The following PCDH15 variants were observed in gnomAD, a reference collection of about 807,000 sequenced individuals.
PCDH15 encodes protocadherin-15.
A neutral mutation model predicts 178.5 loss-of-function variants in PCDH15; 129 were observed. That is an observed-to-expected ratio of 0.72 (90% CI 0.63 to 0.84). The LOEUF is 0.84. Ranked by LOEUF, PCDH15 falls within the 40% of genes least tolerant of loss-of-function variation. The probability of loss-of-function intolerance (pLI) is 0.00; values close to 1 mark genes in which losing one functional copy is unlikely to be tolerated. For missense variants in PCDH15, 2,230 were observed against 2,099.9 expected (o/e 1.06, Z -1.21); for synonymous variants, 800 against 732.0 (o/e 1.09, Z -1.50).
chr10:55,338,637 G>A (rs73253871), intron 2 of PCDH15, among the ~76,000 whole-genome samples: 9,426 of 152,014 alleles, frequency 0.062, 683 homozygotes, highest in African/African-American at 0.18. Context: ...GAGTGGTGGG[G>A]TGCACTTGTA....
chr10:54,291,000 T>G (rs2059370809), intron 8 of PCDH15, among the ~76,000 whole-genome samples: 3 of 152,040 alleles, frequency 2.0e-5, no homozygotes, highest in African/African-American at 7.2e-5. Context: ...AGACAGAAGG[T>G]TAACAAGGAT....
At chr10:53,860,886 A>C (rs2079063565) in intron 27 of PCDH15, among the ~76,000 whole-genome samples, 1 of 152,054 alleles carries the variant, frequency 6.6e-6, no homozygotes, top group Non-Finnish European at 1.5e-5. Context: ...TTTATATTTT[A>C]TTTTAAGGAT....
intron 13 of PCDH15, among the ~76,000 whole-genome samples, chr10:54,173,562 TAA>T (rs1032666055): frequency 4.9e-5 from 4 of 81,780 alleles, no homozygotes; most frequent in Non-Finnish European, 1.5e-4. Context: ...ACCTGAAATA[TAA>T]GTTATTTCCC....
chr10:54,547,152 T>C (rs1317816400), intron 2 of PCDH15, among the ~76,000 whole-genome samples: 1 of 152,188 alleles, frequency 6.6e-6, no homozygotes, highest in Non-Finnish European at 1.5e-5. Context: ...CGGTGAGATA[T>C]GTTCCACCAT....
intron 21 of PCDH15, among the ~76,000 whole-genome samples, chr10:53,965,291 C>T (rs1487806219): frequency 6.6e-6 from 1 of 152,086 alleles, no homozygotes; most frequent in Non-Finnish European, 1.5e-5. Context: ...AACTCCTGAC[C>T]TCATGATCCG....
intron 13 of PCDH15, among the ~76,000 whole-genome samples, chr10:54,169,752 C>A (rs1590929468): frequency 1.3e-5 from 2 of 152,116 alleles, no homozygotes; most frequent in African/African-American, 4.8e-5. Context: ...ACATCCCATC[C>A]CGCAGCACGC....
At chr10:55,173,439 G>C (rs1839395860) in intron 1 of PCDH15, among the ~76,000 whole-genome samples, 1 of 151,010 alleles carries the variant, frequency 6.6e-6, no homozygotes, top group Admixed American at 6.6e-5. Flanking sequence ...TCATTGTTTT[G>C]CAACCTTCCC....
At chr10:55,015,643 T>A (rs778692681) in intron 2 of PCDH15, among the ~76,000 whole-genome samples, 3 of 152,058 alleles carry the variant, frequency 2.0e-5, no homozygotes, top group Non-Finnish European at 2.9e-5. Flanking sequence ...ACTGGGTAAT[T>A]TATGAAGAGT....
chr10:54,521,324 A>C (rs2082839178), intron 3 of PCDH15, among the ~76,000 whole-genome samples: 1 of 152,168 alleles, frequency 6.6e-6, no homozygotes. Context: ...ACCCTTTTAA[A>C]GATACTGAAT....
chr10:54,727,258 A>C (rs1942693337), intron 1 of PCDH15, among the ~76,000 whole-genome samples: 1 of 151,600 alleles, frequency 6.6e-6, no homozygotes, highest in Admixed American at 6.6e-5. Context: ...CCACATTGAG[A>C]CCACAGCACA....
chr10:55,564,461 C>G (rs986599235), intron 2 of PCDH15, among the ~76,000 whole-genome samples: 1 of 151,572 alleles, frequency 6.6e-6, no homozygotes, highest in African/African-American at 2.4e-5. Context: ...AAAAAAGCTA[C>G]AAGGCATCTA....
At chr10:55,233,889 C>T (rs539232228) in intron 1 of PCDH15, among the ~76,000 whole-genome samples, 7 of 152,126 alleles carry the variant, frequency 4.6e-5, no homozygotes, top group South Asian at 4.1e-4. Flanking sequence ...AATGAGACCA[C>T]CCCCAAAAAT....
intron 23 of PCDH15, among the ~76,000 whole-genome samples, chr10:53,953,593 A>G (rs920219163): frequency 3.3e-5 from 5 of 152,210 alleles, no homozygotes; most frequent in South Asian, 2.1e-4. Context: ...TTCCCAATAC[A>G]TATAAAATAT....
intron 2 of PCDH15, among the ~76,000 whole-genome samples, chr10:55,550,454 C>T (rs976921623): frequency 6.6e-6 from 1 of 152,074 alleles, no homozygotes; most frequent in Non-Finnish European, 1.5e-5. Context: ...GTATGGACTC[C>T]GTGTTCTTAT....
chr10:54,339,576 G>A (rs1050827727), intron 6 of PCDH15, among the ~76,000 whole-genome samples: 6 of 152,140 alleles, frequency 3.9e-5, no homozygotes, highest in Non-Finnish European at 7.4e-5. Flanking sequence ...ACAAAAGAAA[G>A]AAGAATGCTT....
intron 3 of PCDH15, among the ~76,000 whole-genome samples, chr10:54,887,180 C>A (rs762204470): frequency 6.6e-6 from 1 of 152,160 alleles, no homozygotes; most frequent in Non-Finnish European, 1.5e-5. Context: ...GAATCCAATT[C>A]TGTTGAAACA....
intron 2 of PCDH15, among the ~76,000 whole-genome samples, chr10:55,367,308 C>T (rs556430985): frequency 6.6e-6 from 1 of 152,054 alleles, no homozygotes; most frequent in Non-Finnish European, 1.5e-5. Flanking sequence ...TGGCCAGATG[C>T]CTCGGCTCAC....
intron 2 of PCDH15, among the ~76,000 whole-genome samples, chr10:54,610,277 C>A (rs922779141): frequency 6.6e-6 from 1 of 151,780 alleles, no homozygotes; most frequent in South Asian, 2.1e-4. Context: ...TGGTTTTAAC[C>A]CTTGATCTTA....
intron 8 of PCDH15, among the ~76,000 whole-genome samples, chr10:54,238,564 C>T (rs1367835617): frequency 2.6e-5 from 4 of 151,632 alleles, no homozygotes; most frequent in Non-Finnish European, 4.4e-5. Flanking sequence ...ATCAGAACCA[C>T]GAAAATACCA....
Sources: gnomAD v4.1 joint callset for allele counts (sites outside exome capture counted in the v4.1 genomes callset) on GRCh38, gnomAD v4.1.1 for gene constraint, MANE v1.5 for transcripts, NCBI Gene and HGNC (gene_info 2026-07-23, HGNC 2026-07-21) for gene names.